PGAM5: variants seen among roughly 807,000 people sequenced by gnomAD.
PGAM5 encodes the protein serine/threonine-protein phosphatase PGAM5, mitochondrial.
Under a neutral mutation model 30.6 loss-of-function variants are expected in PGAM5, and 25 were observed. That is an observed-to-expected ratio of 0.82 (90% CI 0.60 to 1.14). The LOEUF (loss-of-function observed/expected upper bound fraction) is 1.14, where lower values mean the gene tolerates loss of function less well. Among genes scored for constraint, PGAM5 ranks in the 50% most tolerant of loss-of-function variants. The probability of loss-of-function intolerance (pLI) is 0.00; values close to 1 mark genes in which losing one functional copy is unlikely to be tolerated. For synonymous variants in PGAM5, 201 were observed against 179.1 expected (o/e 1.12, Z -0.98); for missense variants, 384 against 408.5 (o/e 0.94, Z 0.52).
chr12:132,714,735 A>C (rs536186305), intron 1 of PGAM5, 123 bp from the exon 2 acceptor site: 2 of 1,112,482 alleles, frequency 1.8e-6, no homozygotes, highest in Non-Finnish European at 2.6e-6. Flanking sequence ...GGCTGTGCCA[A>C]GGGCCTTGTC....
Position 132,720,784 on chromosome 12 carries a change from G to A in PGAM5, c.826G>A (p.Gly276Arg), listed in dbSNP as rs934862334. The stretch of plus-strand genomic sequence containing the variant: ...CGGCCGAGTTGCGCTCAGGACCCTC[G>A]GGGACACGGGGTTCATGCCTCCCGA... The part of the protein sequence containing the change: ...PNGRVALRTL[G>R]DTGFMPPDKI... The change falls in exon 6 of 6, where the codon GGG (glycine) becomes AGG (arginine). Residue 276 changes from glycine to arginine, a missense_variant. Coordinates refer to ENST00000498926, the MANE Select transcript of PGAM5 (RefSeq NM_001170543.2). The A allele has an allele frequency of 3.9e-6, 6 of 1,536,352 alleles. No individual in the cohort carries two copies. The highest frequency in any genetic ancestry group is 5.2e-6 in the Non-Finnish European group (6 of 1,146,846).
chr12:132,716,485 T>C (rs918279694), intron 2 of PGAM5, among the ~76,000 whole-genome samples: 1 of 151,896 alleles, frequency 6.6e-6, no homozygotes, highest in Non-Finnish European at 1.5e-5. Flanking sequence ...CGCCTTGGCC[T>C]CCCAAAGTGC....
intron 4 of PGAM5, 23 bp downstream of exon 4, chr12:132,717,821 G>T: frequency 6.3e-7 from 1 of 1,578,692 alleles, no homozygotes; most frequent in South Asian, 1.1e-5. Flanking sequence ...CCGGGGGGCA[G>T]CTGTGTCACC....
intron 5 of PGAM5, 109 bp downstream of exon 5, chr12:132,718,229 A>T: frequency 7.1e-7 from 1 of 1,407,736 alleles, no homozygotes; most frequent in Non-Finnish European, 9.6e-7. Flanking sequence ...CACCCTAGTC[A>T]GGCCTCACCA....
At chr12:132,712,259 G>C (rs560818291) in intron 1 of PGAM5, among the ~76,000 whole-genome samples, 1 of 152,232 alleles carries the variant, frequency 6.6e-6, no homozygotes, top group African/African-American at 2.4e-5. Context: ...CTGCTGTTCT[G>C]TTCTAGGGTC....
At chr12:132,713,559 C>T (rs975506793) in intron 1 of PGAM5, among the ~76,000 whole-genome samples, 4 of 152,198 alleles carry the variant, frequency 2.6e-5, no homozygotes, top group South Asian at 2.1e-4. Flanking sequence ...GTGGCCCAAA[C>T]GGAGCCCTTG....
rs11147013 is a variant in PGAM5 at position 132,717,645 on chromosome 12, G to T, written c.497-65G>T. 0.16 allele frequency: 257,710 copies of T among 1,585,710 alleles called. 23,401 individuals are homozygous for T. The highest frequency in any genetic ancestry group is 0.35 in the East Asian group (15,386 of 43,618). On this transcript the variant is annotated intron_variant, in intron 3 of 5. Coordinates refer to ENST00000498926, the MANE Select transcript of PGAM5 (RefSeq NM_001170543.2). ...GCCCCGGCCTGAGCTCCTGGCCACCGGGAGGTCACAGCATCTCCGCCGGCG... is the reference window on the plus strand; with the variant it reads ...GCCCCGGCCTGAGCTCCTGGCCACCTGGAGGTCACAGCATCTCCGCCGGCG...
rs2043514313 is a variant in PGAM5 at position 132,710,884 on chromosome 12, T to TCCGGCAGGCGCTGCAGCTGGCGGC, written c.10_33dup (p.Arg4_Ala11dup). On this transcript the variant is annotated inframe_insertion, in exon 1 of 6. Transcript: ENST00000498926. ...GGCGCGGGAGCAAGCGGCATGGCGT[T>TCCGGCAGGCGCTGCAGCTGGCGGC]CCGGCAGGCGCTGCAGCTGGCGGCC... 1 of 1,135,440 alleles carries TCCGGCAGGCGCTGCAGCTGGCGGC rather than the reference T, an allele frequency of 8.8e-7. No homozygotes were observed. Among genetic ancestry groups the TCCGGCAGGCGCTGCAGCTGGCGGC allele is most frequent in the Admixed American group, 4.9e-5 (1 of 20,394 alleles). The allele number at this position is 1,135,440 out of a possible 1,614,324, so 70.3% of individuals were successfully genotyped here. A position where few individuals can be genotyped will look rare whatever the true frequency, so the allele number is the denominator to read the frequency against.
chr12:132,712,452 C>A (rs1024641161), intron 1 of PGAM5, among the ~76,000 whole-genome samples: 2 of 152,052 alleles, frequency 1.3e-5, no homozygotes, highest in African/African-American at 4.8e-5. Context: ...CTTTTTCCTT[C>A]TTTTCTTTTT....
At chr12:132,713,181 G>A (rs2043538868) in intron 1 of PGAM5, among the ~76,000 whole-genome samples, 2 of 152,118 alleles carry the variant, frequency 1.3e-5, no homozygotes, top group South Asian at 4.1e-4. Flanking sequence ...AAAAGAACTT[G>A]AAGTAGAACC....
chr12:132,713,139 GAT>G (rs1593116421), intron 1 of PGAM5, among the ~76,000 whole-genome samples: 1 of 152,162 alleles, frequency 6.6e-6, no homozygotes, highest in African/African-American at 2.4e-5. Flanking sequence ...CAGCCTGGGT[GAT>G]AGAGTGAAAC....
chr12:132,714,433 A>G (rs2043552040), intron 1 of PGAM5, among the ~76,000 whole-genome samples: 1 of 152,218 alleles, frequency 6.6e-6, no homozygotes, highest in Admixed American at 6.5e-5. Context: ...TGGGCATTGC[A>G]GTTCTAGGCT....
chr12:132,714,699 C>T (rs951877063), intron 1 of PGAM5, 159 bp from the exon 2 acceptor site: 17 of 706,904 alleles, frequency 2.4e-5, no homozygotes, highest in East Asian at 5.5e-5. Flanking sequence ...GGGAGAGTGG[C>T]GGTATGCTCA....
Position 132,717,641 on chromosome 12 carries a change from C to A in PGAM5, c.497-69C>A, listed in dbSNP as rs935456383. ...CAGGGCCCCGGCCTGAGCTCCTGGC[C>A]ACCGGGAGGTCACAGCATCTCCGCC... On this transcript the variant is annotated intron_variant, in intron 3 of 5. Transcript: ENST00000498926. 6 of 1,590,074 alleles carry A rather than the reference C, an allele frequency of 3.8e-6. No homozygotes were observed. In the East Asian group the frequency reaches 1.4e-4, roughly 36 times the overall value.
At position 132,717,565 on chromosome 12, in the gene PGAM5, G is replaced by GT; in HGVS notation, c.496+2dup. On this transcript the variant is annotated splice_donor_variant, in intron 3 of 5. Transcript: ENST00000498926. LOFTEE classifies it high-confidence loss of function. ...GATATCATCAGCCGGCACCTGCCAGGTGAGTGCTGCGCGCGGGGCCTCCAT... is the reference window on the plus strand; with the variant it reads ...GATATCATCAGCCGGCACCTGCCAGGTTGAGTGCTGCGCGCGGGGCCTCCAT... The GT allele has an allele frequency of 6.2e-7, 1 of 1,610,688 alleles. No homozygotes were observed. The highest frequency in any genetic ancestry group is 8.5e-7 in the Non-Finnish European group (1 of 1,179,840).
intron 5 of PGAM5, chr12:132,718,812 C>G: frequency 6.2e-7 from 1 of 1,613,548 alleles, no homozygotes; most frequent in Non-Finnish European, 8.5e-7. Flanking sequence ...GGGTCCTGAC[C>G]TCTTTCACTT....
intron 1 of PGAM5, among the ~76,000 whole-genome samples, chr12:132,712,808 C>G (rs990047139): frequency 1.3e-5 from 2 of 151,546 alleles, no homozygotes; most frequent in Non-Finnish European, 3.0e-5. Flanking sequence ...AATTCTGAAT[C>G]AATATTCTGA....
Position 132,710,845 on chromosome 12 carries a change from C to A in PGAM5, c.-32C>A. On this transcript the variant is annotated 5_prime_UTR_variant, in exon 1 of 6. Transcript: ENST00000498926. ...CGCGGAGCGCCGTCGGGGCCGTGGG[C>A]GCCTGCGCGGGCCGGCGCGGGAGCA... The A allele has an allele frequency of 1.8e-6, 2 of 1,101,520 alleles. No individual in the cohort carries two copies. Among genetic ancestry groups the A allele is most frequent in the South Asian group, 4.4e-5 (1 of 22,784 alleles). 68.2% of individuals were successfully genotyped at this position (1,101,520 alleles called of 1,614,324 possible). A position where few individuals can be genotyped will look rare whatever the true frequency, so the allele number is the denominator to read the frequency against.
intron 3 of PGAM5, 71 bp from the exon 4 acceptor site, chr12:132,717,639 G>C: frequency 6.3e-7 from 1 of 1,590,592 alleles, no homozygotes; most frequent in South Asian, 1.1e-5. Context: ...TGAGCTCCTG[G>C]CCACCGGGAG....
Sources: gnomAD v4.1 joint callset for allele counts (sites outside exome capture counted in the v4.1 genomes callset) on GRCh38, gnomAD v4.1.1 for gene constraint, MANE v1.5 for transcripts, NCBI Gene and HGNC (gene_info 2026-07-23, HGNC 2026-07-21) for gene names.